TRAPPC9: variants seen among roughly 807,000 people sequenced by gnomAD.
TRAPPC9 encodes IKK2 binding protein.
In TRAPPC9, 83 loss-of-function variants were observed where a neutral mutation model predicts 124.0. The observed-to-expected ratio is 0.67, with a 90% CI of 0.56 to 0.80. TRAPPC9 has a LOEUF of 0.80. TRAPPC9 is among the 30% of genes least tolerant of loss of function. TRAPPC9 has a pLI of 0.00. For missense variants in TRAPPC9, 1,302 were observed against 1,508.3 expected (o/e 0.86, Z 2.27); for synonymous variants, 638 against 617.5 (o/e 1.03, Z -0.49).
chr8:139,991,766 A>G (rs1837667784), intron 18 of TRAPPC9, among the ~76,000 whole-genome samples: 1 of 152,110 alleles, frequency 6.6e-6, no homozygotes, highest in East Asian at 1.9e-4. Flanking sequence ...GGGAATCTGT[A>G]GTCAGGTTGA....
intron 18 of TRAPPC9, among the ~76,000 whole-genome samples, chr8:139,990,691 A>C (rs1378081220): frequency 6.6e-6 from 1 of 151,738 alleles, no homozygotes; most frequent in East Asian, 1.9e-4. Context: ...GGTTCAAGAG[A>C]TTCTCCTGCC....
At chr8:139,854,389 C>T (rs1214643584) in intron 21 of TRAPPC9, among the ~76,000 whole-genome samples, 1 of 152,238 alleles carries the variant, frequency 6.6e-6, no homozygotes, top group African/African-American at 2.4e-5. Context: ...CTGGGGCAGG[C>T]CTCACTCTGC....
intron 21 of TRAPPC9, among the ~76,000 whole-genome samples, chr8:139,794,076 A>C: frequency 7.0e-6 from 1 of 143,324 alleles, no homozygotes; most frequent in East Asian, 2.0e-4. Flanking sequence ...CTGCCCCACT[A>C]CTCCTGTCCC....
rs540900678 is a variant in TRAPPC9 at position 140,068,002 on chromosome 8, G to T, written c.2557-43923C>A. ...TCTCATTAGGCAAGTAAAACAAGCGGATTTATGTGTCCATTTTTTGTTGCC... is the reference window on the plus strand; with the variant it reads ...TCTCATTAGGCAAGTAAAACAAGCGTATTTATGTGTCCATTTTTTGTTGCC... On this transcript the variant is annotated intron_variant, in intron 17 of 22. Coordinates refer to ENST00000438773, the MANE Select transcript of TRAPPC9 (RefSeq NM_001160372.4). 2.8e-3 allele frequency among the ~76,000 whole-genome samples: 302 copies of T among 106,174 alleles called. 2 individuals carry two copies. The highest frequency in any genetic ancestry group is 0.013 in the African/African-American group (284 of 22,656). 69.7% of individuals were successfully genotyped at this position (106,174 alleles called of 152,430 possible).
At chr8:140,452,823 G>A (rs1007164806) in intron 1 of TRAPPC9, among the ~76,000 whole-genome samples, 5 of 151,640 alleles carry the variant, frequency 3.3e-5, no homozygotes, top group Admixed American at 6.6e-5. Flanking sequence ...AGTCAGGGCC[G>A]ATATTCAACT....
At chr8:139,734,249 C>G (rs1157123719) in intron 21 of TRAPPC9, among the ~76,000 whole-genome samples, 1 of 152,198 alleles carries the variant, frequency 6.6e-6, no homozygotes, top group Non-Finnish European at 1.5e-5. Context: ...CTCCATAGCC[C>G]GTGTGCCAGA....
intron 21 of TRAPPC9, among the ~76,000 whole-genome samples, chr8:139,784,280 G>C (rs906174199): frequency 1.3e-5 from 2 of 152,172 alleles, no homozygotes; most frequent in African/African-American, 2.4e-5. Context: ...TAGGCTATAA[G>C]ATCAACATAT....
At chr8:140,220,247 C>CA (rs2063305202) in intron 17 of TRAPPC9, among the ~76,000 whole-genome samples, 1 of 152,160 alleles carries the variant, frequency 6.6e-6, no homozygotes, top group Non-Finnish European at 1.5e-5. Flanking sequence ...CAGCTTTCCA[C>CA]AAAAAATTAT....
In TRAPPC9 at chr8:139,988,847, GA is replaced by G. The variant is rs1447678589; in HGVS notation, c.2700-12del. The G allele has an allele frequency of 1.3e-6, 2 of 1,529,356 alleles. No homozygotes were observed. The highest frequency in any genetic ancestry group is 1.2e-5 in the South Asian group (1 of 83,662). The allele number at this position is 1,529,356 out of a possible 1,614,324, so 94.7% of individuals were successfully genotyped here. Reference sequence around the variant, plus strand: ...TGACACTGCCGGGTACTGCGTTAAAGAAAAAAGAAAGTTCAGAATCCTCTGA... The same window carrying G: ...TGACACTGCCGGGTACTGCGTTAAAGAAAAAGAAAGTTCAGAATCCTCTGA... On this transcript the variant is annotated splice_polypyrimidine_tract_variant and intron_variant, in intron 18 of 22. Transcript: ENST00000438773.
At chr8:140,335,990 A>C (rs1221120514) in intron 9 of TRAPPC9, among the ~76,000 whole-genome samples, 1 of 152,106 alleles carries the variant, frequency 6.6e-6, no homozygotes, top group African/African-American at 2.4e-5. Flanking sequence ...TTACAGGTGC[A>C]AGCCACCGCA....
chr8:140,052,294 A>G (rs1381016934), intron 17 of TRAPPC9, among the ~76,000 whole-genome samples: 1 of 152,248 alleles, frequency 6.6e-6, no homozygotes, highest in Non-Finnish European at 1.5e-5. Context: ...ATGCAAGGAA[A>G]CCTTCTCTTT....
intron 9 of TRAPPC9, among the ~76,000 whole-genome samples, chr8:140,345,541 G>A (rs990541227): frequency 2.0e-5 from 3 of 152,188 alleles, no homozygotes; most frequent in South Asian, 2.1e-4. Context: ...TCATCTCCTC[G>A]GATTGCTAGG....
intron 9 of TRAPPC9, among the ~76,000 whole-genome samples, chr8:140,340,002 C>T (rs976536077): frequency 2.0e-5 from 3 of 152,114 alleles, no homozygotes; most frequent in East Asian, 1.9e-4. Context: ...TGCACCACCA[C>T]ACGCAGCTAA....
At chr8:139,930,536 C>T (rs1336933127) in intron 19 of TRAPPC9, among the ~76,000 whole-genome samples, 3 of 152,198 alleles carry the variant, frequency 2.0e-5, no homozygotes, top group Admixed American at 1.3e-4. Context: ...AGTCACACCC[C>T]TCTTTTTTCC....
At chr8:140,115,577 AT>A (rs1006050342) in intron 17 of TRAPPC9, among the ~76,000 whole-genome samples, 1 of 151,672 alleles carries the variant, frequency 6.6e-6, no homozygotes, top group African/African-American at 2.4e-5. Context: ...ATTATACTCT[AT>A]TTTTTTGGTT....
At chr8:140,045,631 GAAAAAAAAAAAAA>G (rs57243402) in intron 17 of TRAPPC9, among the ~76,000 whole-genome samples, 356 of 33,260 alleles carry the variant, frequency 0.011, 2 homozygotes, top group African/African-American at 0.03. Flanking sequence ...CATCTCGGCA[GAAAAAAAAAAAAA>G]AAAAAAAAAA....
intron 21 of TRAPPC9, among the ~76,000 whole-genome samples, chr8:139,757,065 A>C (rs1168937546): frequency 7.7e-6 from 1 of 130,278 alleles, no homozygotes; most frequent in Non-Finnish European, 1.6e-5. Flanking sequence ...TTTGGGGATG[A>C]GGACAGCAGG....
chr8:140,047,071 G>T (rs1025217458), intron 17 of TRAPPC9, among the ~76,000 whole-genome samples: 1 of 152,184 alleles, frequency 6.6e-6, no homozygotes, highest in Non-Finnish European at 1.5e-5. Flanking sequence ...TGGAAGGGAG[G>T]CCTGCAGCTC....
chr8:139,840,965 T>C (rs972605011), intron 21 of TRAPPC9, among the ~76,000 whole-genome samples: 8 of 152,174 alleles, frequency 5.3e-5, no homozygotes, highest in Non-Finnish European at 1.2e-4. Context: ...CAAAGGGATA[T>C]GTTAGTTTCC....
Sources: gnomAD v4.1 joint callset for allele counts (sites outside exome capture counted in the v4.1 genomes callset) on GRCh38, gnomAD v4.1.1 for gene constraint, MANE v1.5 for transcripts, NCBI Gene and HGNC (gene_info 2026-07-23, HGNC 2026-07-21) for gene names.